Variants in MGMT observed in about 807,000 individuals in gnomAD.
MGMT encodes the protein O-6-methylguanine-DNA methyltransferase.
MGMT carries 14 observed loss-of-function variants against 15.9 expected under a neutral mutation model. That is an observed-to-expected ratio of 0.88 (90% confidence interval 0.58 to 1.37). The LOEUF is 1.37. Ranked by LOEUF, MGMT falls within the 40% of genes most tolerant of loss-of-function variation. MGMT has a pLI of 0.00. For missense variants in MGMT, 282 were observed against 268.1 expected (o/e 1.05, Z -0.36); for synonymous variants, 130 against 118.2 (o/e 1.10, Z -0.65).
At chr10:129,543,744 A>G (rs1846069787) in intron 2 of MGMT, among the ~76,000 whole-genome samples, 1 of 152,234 alleles carries the variant, frequency 6.6e-6, no homozygotes, top group South Asian at 2.1e-4. Flanking sequence ...ACTGTGTTAC[A>G]AGGAGACAGA....
rs549300971 is a variant in MGMT at position 129,560,316 on chromosome 10, G to A, written c.125+23939G>A. On this transcript the variant is annotated intron_variant, in intron 2 of 4. Coordinates refer to ENST00000651593, the MANE Select transcript of MGMT (RefSeq NM_002412.5). The stretch of plus-strand genomic sequence containing the variant: ...TATGATATAGAACACGTTATTAAAT[G>A]TGCATTACTGTTTTGAAAAAGGAAA... Among the ~76,000 whole-genome samples, 16 of 152,300 alleles carry A rather than the reference G, an allele frequency of 1.1e-4. No homozygotes were observed. In the East Asian group the frequency reaches 2.9e-3, roughly 28 times the overall value.
Position 129,528,476 on chromosome 10 carries a change from C to T in MGMT, c.-12-7765C>T, listed in dbSNP as rs538908985. 6.0e-5 allele frequency among the ~76,000 whole-genome samples: 9 copies of T among 150,760 alleles called. No individual in the cohort carries two copies. The South Asian group carries it at 1.9e-3, about 32-fold the overall frequency. ...GAAGGAGACAGCAGTAGCACGGAGGCTGTGAAGCGAGAGCGAGGCTGGAGT... is the reference window on the plus strand; with the variant it reads ...GAAGGAGACAGCAGTAGCACGGAGGTTGTGAAGCGAGAGCGAGGCTGGAGT... On this transcript the variant is annotated intron_variant, in intron 1 of 4. Transcript: ENST00000651593.
chr10:129,756,380 C>T (rs944691865), intron 3 of MGMT, among the ~76,000 whole-genome samples: 8 of 152,108 alleles, frequency 5.3e-5, no homozygotes, highest in African/African-American at 7.2e-5. Context: ...ATGTGGCGTT[C>T]GGAGGCCGCG....
chr10:129,560,408 A>G (rs1020478942), intron 2 of MGMT, among the ~76,000 whole-genome samples: 1 of 152,212 alleles, frequency 6.6e-6, no homozygotes, highest in Non-Finnish European at 1.5e-5. Context: ...GCAGTAATGC[A>G]TTTCCAAGCG....
chr10:129,530,978 C>A (rs1360043804), intron 1 of MGMT, among the ~76,000 whole-genome samples: 3 of 152,262 alleles, frequency 2.0e-5, no homozygotes, highest in Middle Eastern at 3.2e-3. Flanking sequence ...AACCGCCACT[C>A]TGCCCACCTC....
rs563815309 is a variant in MGMT at position 129,606,408 on chromosome 10, G to A, written c.125+70031G>A. ...GTCTTCGTTGACTTTTGTCTCTTTTGGTAATTGGTGGCTTTTCCTGCCGTA... is the reference window on the plus strand; with the variant it reads ...GTCTTCGTTGACTTTTGTCTCTTTTAGTAATTGGTGGCTTTTCCTGCCGTA... On this transcript the variant is annotated intron_variant, in intron 2 of 4. Transcript: ENST00000651593. 1.5e-3 allele frequency among the ~76,000 whole-genome samples: 236 copies of A among 152,286 alleles called. 1 individual carries two copies. The highest frequency in any genetic ancestry group is 5.4e-3 in the African/African-American group (224 of 41,556).
At chr10:129,730,657 C>T (rs751269413) in intron 3 of MGMT, among the ~76,000 whole-genome samples, 5 of 152,172 alleles carry the variant, frequency 3.3e-5, no homozygotes, top group East Asian at 1.9e-4. Context: ...ACCTTGACTG[C>T]GCTGAGGTCC....
intron 2 of MGMT, among the ~76,000 whole-genome samples, chr10:129,615,628 G>C (rs1044849830): frequency 6.6e-6 from 1 of 152,164 alleles, no homozygotes; most frequent in Non-Finnish European, 1.5e-5. Flanking sequence ...GATGCAGCGT[G>C]GTGGAATTTT....
chr10:129,473,505 A>C (rs528760316), intron 1 of MGMT, among the ~76,000 whole-genome samples: 4 of 152,274 alleles, frequency 2.6e-5, no homozygotes, highest in Non-Finnish European at 5.9e-5. Context: ...AGTGACTTGC[A>C]CAGGTCTCCT....
At chr10:129,656,631 T>C in intron 2 of MGMT, among the ~76,000 whole-genome samples, 1 of 152,172 alleles carries the variant, frequency 6.6e-6, no homozygotes, top group East Asian at 1.9e-4. Context: ...AATTAATATA[T>C]GTAAGAAGTA....
intron 2 of MGMT, among the ~76,000 whole-genome samples, chr10:129,707,031 G>A (rs1210913641): frequency 6.6e-6 from 1 of 152,118 alleles, no homozygotes; most frequent in Non-Finnish European, 1.5e-5. Context: ...GGGGGCCCAC[G>A]CGGGCGGATC....
At chr10:129,473,688 T>A (rs1845257553) in intron 1 of MGMT, among the ~76,000 whole-genome samples, 1 of 152,204 alleles carries the variant, frequency 6.6e-6, no homozygotes, top group Admixed American at 6.5e-5. Flanking sequence ...GTAGCTAATG[T>A]TTTCTGAACA....
intron 3 of MGMT, among the ~76,000 whole-genome samples, chr10:129,727,328 AG>A (rs1346737824): frequency 2.0e-5 from 3 of 152,244 alleles, no homozygotes; most frequent in Admixed American, 6.5e-5. Flanking sequence ...AGGCAGCCCC[AG>A]GAGAGGCCCA....
intron 2 of MGMT, among the ~76,000 whole-genome samples, chr10:129,584,005 T>C (rs559198556): frequency 8.5e-5 from 13 of 152,234 alleles, no homozygotes; most frequent in Middle Eastern, 3.4e-3. Flanking sequence ...AGACTTGGCA[T>C]GTCAGTGGAG....
At chr10:129,606,358 C>T (rs1016787681) in intron 2 of MGMT, among the ~76,000 whole-genome samples, 4 of 152,240 alleles carry the variant, frequency 2.6e-5, no homozygotes, top group East Asian at 1.9e-4. Context: ...GGAGAGAACA[C>T]GGTTTGGGAG....
chr10:129,554,751 C>T (rs1259779163), intron 2 of MGMT, among the ~76,000 whole-genome samples: 2 of 152,302 alleles, frequency 1.3e-5, no homozygotes, highest in South Asian at 2.1e-4. Flanking sequence ...GTTTTCCTAG[C>T]CCCTCCGTTC....
chr10:129,706,593 G>A lies in MGMT; in HGVS notation c.126-1302G>A, dbSNP rs537835013. The stretch of plus-strand genomic sequence containing the variant: ...CGTGCTCCAAGCCTGGGAAGTCCCG[G>A]GGAAGCATGCCGTTTGTCTGGGGCC... On this transcript the variant is annotated intron_variant, in intron 2 of 4. Coordinates refer to ENST00000651593, the MANE Select transcript of MGMT (RefSeq NM_002412.5). Among the ~76,000 whole-genome samples, 117 of 152,288 alleles carry A rather than the reference G, an allele frequency of 7.7e-4. 2 individuals are homozygous for A. The East Asian group carries it at 0.022, about 28-fold the overall frequency.
At chr10:129,645,750 G>A (rs1232302994) in intron 2 of MGMT, among the ~76,000 whole-genome samples, 1 of 152,200 alleles carries the variant, frequency 6.6e-6, no homozygotes, top group South Asian at 2.1e-4. Flanking sequence ...TAGAGCATCT[G>A]TTCCAGGCCA....
At chr10:129,620,673 C>G (rs1262349298) in intron 2 of MGMT, among the ~76,000 whole-genome samples, 1 of 152,128 alleles carries the variant, frequency 6.6e-6, no homozygotes, top group African/African-American at 2.4e-5. Flanking sequence ...ATGTGTTATA[C>G]TCTTTTCCAT....
Sources: allele counts gnomAD v4.1 joint callset (sites outside exome capture counted in the v4.1 genomes callset), GRCh38; gene constraint gnomAD v4.1.1; transcripts MANE v1.5; gene names NCBI Gene and HGNC (gene_info 2026-07-23, HGNC 2026-07-21).